ACSBG2: variants seen among roughly 807,000 people sequenced by gnomAD.
The protein encoded by ACSBG2 is acyl-CoA synthetase bubblegum family member 2.
ACSBG2 carries 62 observed loss-of-function variants against 74.7 expected under a neutral mutation model. The observed-to-expected ratio is 0.83, with a 90% CI of 0.68 to 1.03. The LOEUF is 1.03. ACSBG2 is among the 50% of genes least tolerant of loss of function. The pLI, the probability that ACSBG2 is intolerant of heterozygous loss-of-function variation, is 0.00. For missense variants in ACSBG2, 730 were observed against 817.6 expected, an observed-to-expected ratio of 0.89 and a Z score of 1.31; for synonymous variants, 309 against 294.1, an observed-to-expected ratio of 1.05 and a Z score of -0.52.
At chr19:6,159,517 G>A (rs1195332166) in intron 5 of ACSBG2, among the ~76,000 whole-genome samples, 1 of 152,194 alleles carries the variant, frequency 6.6e-6, no homozygotes, top group African/African-American at 2.4e-5. Context: ...AGCAATATCT[G>A]AATTATTTCT....
chr19:6,179,648 G>A (rs967213010), intron 8 of ACSBG2, among the ~76,000 whole-genome samples: 1 of 152,044 alleles, frequency 6.6e-6, no homozygotes, highest in African/African-American at 2.4e-5. Flanking sequence ...GTCTCGTTCT[G>A]TCACCCAGGC....
intron 13 of ACSBG2, among the ~76,000 whole-genome samples, chr19:6,188,320 G>A (rs2090463887): frequency 6.6e-6 from 1 of 151,634 alleles, no homozygotes; most frequent in Admixed American, 6.6e-5. Flanking sequence ...CCAATACACT[G>A]AGACAGCAGG....
At chr19:6,156,382 C>T in intron 4 of ACSBG2, 49 bp from the exon 5 acceptor site, 2 of 1,541,518 alleles carry the variant, frequency 1.3e-6, no homozygotes, top group Non-Finnish European at 1.7e-6. Flanking sequence ...GACCATTCTG[C>T]CTTTAAGGTG....
intron 8 of ACSBG2, among the ~76,000 whole-genome samples, chr19:6,181,984 C>T (rs913774074): frequency 6.6e-6 from 1 of 152,100 alleles, no homozygotes; most frequent in Non-Finnish European, 1.5e-5. Flanking sequence ...GCTAACGTTT[C>T]CTGGTTTGCC....
rs2089310148 is a variant in ACSBG2 at position 6,153,683 on chromosome 19, A to G, written c.386+1888A>G. On this transcript the variant is annotated intron_variant, in intron 4 of 14. Transcript: ENST00000588485. Reference sequence around the variant, plus strand: ...AGATTCTGTCTCTAAAAAATAAAATAAAAGTGTTTTTAAAATTAGCCAGGC... The same window carrying G: ...AGATTCTGTCTCTAAAAAATAAAATGAAAGTGTTTTTAAAATTAGCCAGGC... Among the ~76,000 whole-genome samples, 3 of 152,074 alleles carry G rather than the reference A, an allele frequency of 2.0e-5. No homozygotes were observed. In the South Asian group the frequency reaches 6.2e-4, roughly 32 times the overall value.
chr19:6,168,388 A>G (rs930288907), intron 7 of ACSBG2, among the ~76,000 whole-genome samples: 27 of 151,724 alleles, frequency 1.8e-4, no homozygotes, highest in African/African-American at 6.5e-4. Flanking sequence ...ACAATAAACC[A>G]CCCCATTACT....
chr19:6,180,739 A>C lies in ACSBG2; in HGVS notation c.907-2012A>C, dbSNP rs2090222643. On this transcript the variant is annotated intron_variant, in intron 8 of 14. Transcript: ENST00000588485. The surrounding 1 kb of genome is among the most constrained non-coding windows in gnomAD (Gnocchi z 4.3). ...GCATGTTACTATCTGTTTTATTATT[A>C]TTATTGCCATTCTAATTTGCATTTC... Among the ~76,000 whole-genome samples the C allele has an allele frequency of 6.6e-6, 1 of 152,038 alleles. No homozygotes were observed. The highest frequency in any genetic ancestry group is 2.1e-4 in the South Asian group (1 of 4,836).
rs1459047362 is a variant in ACSBG2 at position 6,163,164 on chromosome 19, A to AATAATC, written c.588+1871_588+1872insAATCAT. 8.1e-5 allele frequency among the ~76,000 whole-genome samples: 10 copies of AATAATC among 124,040 alleles called. No individual in the cohort carries two copies. The South Asian group carries it at 2.1e-3, about 26-fold the overall frequency. The allele number at this position is 124,040 out of a possible 152,430, so 81.4% of individuals were successfully genotyped here. On this transcript the variant is annotated intron_variant, in intron 6 of 14. Transcript: ENST00000588485. ...TAATAATAATAATAATAATAATAATAATCGCCCAAGCACAGTGGCTCACAC... is the reference window on the plus strand; with the variant it reads ...TAATAATAATAATAATAATAATAATAATAATCATCGCCCAAGCACAGTGGCTCACAC...
intron 1 of ACSBG2, among the ~76,000 whole-genome samples, chr19:6,140,930 G>A (rs2144992261): frequency 6.6e-6 from 1 of 152,224 alleles, no homozygotes; most frequent in African/African-American, 2.4e-5. Context: ...ATCTATTCAT[G>A]TCCTTTGCCC....
chr19:6,141,024 G>A (rs1277599218), intron 1 of ACSBG2, among the ~76,000 whole-genome samples: 1 of 152,050 alleles, frequency 6.6e-6, no homozygotes, highest in Non-Finnish European at 1.5e-5. Flanking sequence ...TTATACTTTG[G>A]ATGTATTGTC....
At chr19:6,142,157 G>T (rs972841362) in intron 2 of ACSBG2, among the ~76,000 whole-genome samples, 4 of 152,148 alleles carry the variant, frequency 2.6e-5, no homozygotes, top group African/African-American at 9.7e-5. Context: ...GGCCTCATTT[G>T]CATATCTGAA....
At chr19:6,177,134 C>A in intron 7 of ACSBG2, 95 bp from the exon 8 acceptor site, 1 of 1,383,466 alleles carries the variant, frequency 7.2e-7, no homozygotes, top group Non-Finnish European at 9.8e-7. Context: ...GCACTCCAGT[C>A]TGGGTGAGCC....
At chr19:6,184,712 G>A (rs890622508) in intron 10 of ACSBG2, among the ~76,000 whole-genome samples, 6 of 150,708 alleles carry the variant, frequency 4.0e-5, no homozygotes, top group Non-Finnish European at 5.9e-5. Flanking sequence ...GTTGGTTGCC[G>A]TACTTAAAAT....
At chr19:6,139,092 A>ATT (rs5826914) in intron 1 of ACSBG2, among the ~76,000 whole-genome samples, 3,388 of 145,074 alleles carry the variant, frequency 0.023, 165 homozygotes, top group African/African-American at 0.077. Context: ...AATTAAACTT[A>ATT]TTTTTTTTTT....
chr19:6,147,509 G>C lies in ACSBG2; in HGVS notation c.131G>C (p.Gly44Ala), dbSNP rs2145031843. The C allele has an allele frequency of 6.2e-7, 1 of 1,614,168 alleles. No homozygotes were observed. Among genetic ancestry groups the C allele is most frequent in the African/African-American group, 1.3e-5 (1 of 75,050 alleles). ...GEVLLRLSKH[G>A]PGHETPMTIP... is the part of the protein sequence containing the mutation. ...GTCCTTCTGAGGCTATCCAAACACG[G>C]ACCAGGCCATGAGACCCCGATGACC... Residue 44 changes from glycine to alanine, a missense_variant, in exon 3 of 15, where the codon GGA becomes GCA. Physicochemically the swap from Gly to Ala is moderately conservative, Grantham distance 60 (BLOSUM62 0). Coordinates refer to ENST00000588485, the MANE Select transcript of ACSBG2 (RefSeq NM_030924.5).
At chr19:6,189,999 T>C (rs112045564) in intron 13 of ACSBG2, 5,791 of 153,928 alleles carry the variant, frequency 0.038, 226 homozygotes, top group African/African-American at 0.1. Flanking sequence ...TGAGCCACCG[T>C]GCCTGGCCGC....
intron 5 of ACSBG2, among the ~76,000 whole-genome samples, chr19:6,159,118 G>A (rs545900482): frequency 3.3e-5 from 5 of 152,014 alleles, no homozygotes; most frequent in East Asian, 1.9e-4. Flanking sequence ...CCACCACACC[G>A]GGCTAATTTT....
intron 7 of ACSBG2, among the ~76,000 whole-genome samples, chr19:6,171,368 C>T (rs760576561): frequency 9.2e-5 from 14 of 151,870 alleles, no homozygotes; most frequent in Non-Finnish European, 1.9e-4. Flanking sequence ...CTTTTGTTCT[C>T]ATGTTTAGAA....
At chr19:6,184,831 T>A (rs1258904747) in intron 10 of ACSBG2, among the ~76,000 whole-genome samples, 1 of 13,932 alleles carries the variant, frequency 7.2e-5, no homozygotes, top group Non-Finnish European at 1.4e-4. Flanking sequence ...TATGTGGAGA[T>A]GAAAAAAAAA....
Sources: allele counts gnomAD v4.1 joint callset (sites outside exome capture counted in the v4.1 genomes callset), GRCh38; gene constraint gnomAD v4.1.1; non-coding constraint Gnocchi (gnomAD v3.1); transcripts MANE v1.5; gene names NCBI Gene and HGNC (gene_info 2026-07-23, HGNC 2026-07-21).